The following ZNF532 variants were observed in gnomAD, a reference collection of about 807,000 sequenced individuals.
ZNF532 encodes zinc finger protein 532.
ZNF532 carries 22 observed loss-of-function variants against 89.3 expected under a neutral mutation model. The ratio of observed to expected loss-of-function variants is 0.25; its 90% CI spans 0.18 to 0.35. The LOEUF (loss-of-function observed/expected upper bound fraction) is 0.35. Among genes scored for constraint, ZNF532 ranks in the 10% least tolerant of loss-of-function variants. The pLI, the probability that ZNF532 is intolerant of heterozygous loss-of-function variation, is 1.00. For missense variants in ZNF532, 1,132 were observed against 1,643.4 expected, an observed-to-expected ratio of 0.69 and a Z score of 5.38; for synonymous variants, 606 against 649.6, an observed-to-expected ratio of 0.93 and a Z score of 1.02.
Position 58,985,361 on chromosome 18 carries a change from C to T in ZNF532, c.*895C>T. On this transcript the variant is annotated 3_prime_UTR_variant, in exon 10 of 10. Coordinates refer to ENST00000591808, the MANE Select transcript of ZNF532 (RefSeq NM_001375912.1). The stretch of plus-strand genomic sequence containing the variant: ...CATGTAATTTATTAACTAACTATTA[C>T]AGAAACACAGCTAAGAATATCAAGT... The T allele has an allele frequency of 6.6e-6, 1 of 152,652 alleles. No homozygotes were observed. The highest frequency in any genetic ancestry group is 1.9e-4 in the East Asian group (1 of 5,200). The allele number at this position is 152,652 out of a possible 1,614,324, so 9.5% of individuals were successfully genotyped here. A position where few individuals can be genotyped will look rare whatever the true frequency, so the allele number is the denominator to read the frequency against.
intron 2 of ZNF532, among the ~76,000 whole-genome samples, chr18:58,904,982 C>T (rs1456054075): frequency 6.6e-6 from 1 of 151,908 alleles, no homozygotes; most frequent in East Asian, 1.9e-4. Context: ...GCTGAGACTA[C>T]AGGTGCGTGA....
chr18:58,914,618 T>C (rs1204283175), intron 2 of ZNF532, among the ~76,000 whole-genome samples: 1 of 150,852 alleles, frequency 6.6e-6, no homozygotes, highest in East Asian at 2.0e-4. Flanking sequence ...AGGCGGAGGT[T>C]GCAGTGAGCC....
Position 58,942,565 on chromosome 18 carries a change from C to CAGCCT in ZNF532, c.2705+2945_2705+2949dup. ...TCTGGCTGCCTGGAGCCCTCACCCG[C>CAGCCT]AGCCTGACTGTGGCAATGACGGCTG... is the stretch of plus-strand genomic sequence containing the variant. On this transcript the variant is annotated intron_variant, in intron 5 of 9. Transcript: ENST00000591808. Among the ~76,000 whole-genome samples, 2 of 152,254 alleles carry CAGCCT rather than the reference C, an allele frequency of 1.3e-5. 1 individual carries two copies. The highest frequency in any genetic ancestry group is 6.8e-3 in the Middle Eastern group (2 of 294).
intron 7 of ZNF532, among the ~76,000 whole-genome samples, chr18:58,970,532 C>G (rs1278254187): frequency 6.6e-6 from 1 of 152,190 alleles, no homozygotes; most frequent in Non-Finnish European, 1.5e-5. Flanking sequence ...GTCAGGTGGT[C>G]TCTGGTGAAT....
At chr18:58,890,805 T>C (rs1263115344) in intron 2 of ZNF532, among the ~76,000 whole-genome samples, 2 of 151,592 alleles carry the variant, frequency 1.3e-5, no homozygotes, top group African/African-American at 2.4e-5. Flanking sequence ...TACCTCTTCT[T>C]CCCGGTAGGT....
chr18:58,938,041 A>C (rs1568368891), intron 4 of ZNF532, among the ~76,000 whole-genome samples: 1 of 152,212 alleles, frequency 6.6e-6, no homozygotes, highest in African/African-American at 2.4e-5. Context: ...GCAAAGCTTA[A>C]ATAGAATGCA....
At chr18:58,872,678 C>T (rs2057086648) in intron 2 of ZNF532, among the ~76,000 whole-genome samples, 1 of 149,686 alleles carries the variant, frequency 6.7e-6, no homozygotes, top group South Asian at 2.1e-4. Flanking sequence ...ATTACCTTCT[C>T]TCTGCCTTCC....
chr18:58,877,584 C>G (rs2057532623), intron 2 of ZNF532, among the ~76,000 whole-genome samples: 1 of 152,354 alleles, frequency 6.6e-6, no homozygotes, highest in East Asian at 1.9e-4. Context: ...TTAGATCTTA[C>G]TGGACATCTG....
chr18:58,958,319 T>C (rs1184449125), intron 7 of ZNF532, among the ~76,000 whole-genome samples: 1 of 152,236 alleles, frequency 6.6e-6, no homozygotes, highest in Non-Finnish European at 1.5e-5. Flanking sequence ...ATTACTGCTT[T>C]AGCTATTTAA....
intron 9 of ZNF532, among the ~76,000 whole-genome samples, chr18:58,982,092 GT>G (rs1360135758): frequency 4.6e-5 from 7 of 151,372 alleles, no homozygotes; most frequent in Non-Finnish European, 8.8e-5. Context: ...ATCATCAGGA[GT>G]TCGAGACCAG....
In ZNF532 at chr18:58,920,409, C is replaced by T. The variant is rs2146095379; in HGVS notation, c.2122C>T (p.Pro708Ser). 1.2e-6 allele frequency: 2 copies of T among 1,613,932 alleles called. No individual in the cohort carries two copies. The highest frequency in any genetic ancestry group is 1.7e-6 in the Non-Finnish European group (2 of 1,179,858). The change falls in exon 3 of 10, where the codon CCT becomes TCT. Residue 708 changes from proline to serine, a missense_variant. Pro to Ser is a moderately conservative substitution (Grantham distance 74). Around this residue, in one of 9 missense-constraint regions of ZNF532, gnomAD observed 100 missense variants for 122.0 expected, o/e 0.82. Transcript: ENST00000591808. Reference protein sequence around the residue: ...TSTSTSTLQSPVGAGTHTVTK... With the variant: ...TSTSTSTLQSSVGAGTHTVTK... The stretch of plus-strand genomic sequence containing the variant: ...CACTTCAACTTCCACTCTTCAGAGC[C>T]CTGTGGGAGCTGGCACACACACTGT...
chr18:58,946,469 C>T (rs959839663), intron 5 of ZNF532, among the ~76,000 whole-genome samples: 4 of 152,008 alleles, frequency 2.6e-5, no homozygotes, highest in Non-Finnish European at 5.9e-5. Flanking sequence ...GATAGGGTTT[C>T]GCCCTGTTGC....
At chr18:58,955,876 G>C (rs1217495234) in intron 7 of ZNF532, among the ~76,000 whole-genome samples, 1 of 152,144 alleles carries the variant, frequency 6.6e-6, no homozygotes, top group Admixed American at 6.5e-5. Flanking sequence ...TACGGTATAA[G>C]TACACTGCCA....
chr18:58,895,902 C>CT (rs1232413093), intron 2 of ZNF532, among the ~76,000 whole-genome samples: 1 of 151,060 alleles, frequency 6.6e-6, no homozygotes, highest in Non-Finnish European at 1.5e-5. Context: ...CGAGGCTGTA[C>CT]TGCAGTGGCA....
intron 2 of ZNF532, among the ~76,000 whole-genome samples, chr18:58,911,514 G>GGCAGTTTGAGA (rs551062374): frequency 3.8e-3 from 581 of 152,256 alleles, no homozygotes; most frequent in Non-Finnish European, 5.6e-3. Context: ...ATCACTCGAG[G>GGCAGTTTGAGA]CCAGTTTGAG....
At position 58,984,546 on chromosome 18, in the gene ZNF532, AGAGTT is replaced by A. The variant is rs1404026068; in HGVS notation, c.*81_*85del. On this transcript the variant is annotated 3_prime_UTR_variant, in exon 10 of 10. Transcript: ENST00000591808. ...TTTGTTACAAAGTTTGCAGTATAAT[AGAGTT>A]AACAGTACTGTCTAGGCTGTTGCAA... 135 of 1,498,186 alleles carry A rather than the reference AGAGTT, an allele frequency of 9.0e-5. 1 individual carries two copies. In the East Asian group the frequency reaches 3.0e-3, roughly 34 times the overall value. The allele number at this position is 1,498,186 out of a possible 1,614,324, so 92.8% of individuals were successfully genotyped here. A position where few individuals can be genotyped will look rare whatever the true frequency, so the allele number is the denominator to read the frequency against.
chr18:58,877,859 A>C (rs550102207), intron 2 of ZNF532, among the ~76,000 whole-genome samples: 1 of 152,166 alleles, frequency 6.6e-6, no homozygotes, highest in Non-Finnish European at 1.5e-5. Context: ...AAGGAAGTGG[A>C]ACTATGGAAG....
intron 2 of ZNF532, among the ~76,000 whole-genome samples, chr18:58,883,820 T>G (rs987053310): frequency 3.9e-5 from 6 of 152,164 alleles, no homozygotes; most frequent in Non-Finnish European, 8.8e-5. Flanking sequence ...TGGACATTGC[T>G]AAATATAATT....
intron 2 of ZNF532, among the ~76,000 whole-genome samples, chr18:58,889,285 TG>T (rs2058718393): frequency 6.6e-6 from 1 of 152,130 alleles, no homozygotes; most frequent in Non-Finnish European, 1.5e-5. Flanking sequence ...AAACCCTCCC[TG>T]GGCACTTCCT....
Sources: gnomAD v4.1 joint callset for allele counts (sites outside exome capture counted in the v4.1 genomes callset) on GRCh38, gnomAD v4.1.1 for gene constraint, gnomAD v4.1.1 regional missense constraint, MANE v1.5 for transcripts, NCBI Gene and HGNC (gene_info 2026-07-23, HGNC 2026-07-21) for gene names.